Variants in GATAD2A observed in about 807,000 individuals in gnomAD.
GATAD2A encodes the protein transcriptional repressor p66-alpha.
In GATAD2A, 12 loss-of-function variants were observed where a neutral mutation model predicts 68.5. The ratio of observed to expected loss-of-function variants is 0.18; its 90% CI spans 0.11 to 0.28. GATAD2A has a LOEUF of 0.28. Ranked by LOEUF, GATAD2A falls within the 10% of genes least tolerant of loss-of-function variation. GATAD2A has a pLI of 1.00. For missense variants in GATAD2A, 755 were observed against 868.5 expected (o/e 0.87, Z 1.64); for synonymous variants, 410 against 375.3 (o/e 1.09, Z -1.07).
intron 2 of GATAD2A, among the ~76,000 whole-genome samples, chr19:19,478,993 C>T (rs779327678): frequency 6.6e-6 from 1 of 152,122 alleles, no homozygotes; most frequent in Non-Finnish European, 1.5e-5. Flanking sequence ...CATCCTCTTG[C>T]GTTCTTTGTG....
At chr19:19,455,021 G>A (rs952592116) in intron 1 of GATAD2A, among the ~76,000 whole-genome samples, 2 of 152,156 alleles carry the variant, frequency 1.3e-5, no homozygotes, top group Admixed American at 6.5e-5. Context: ...CCATATCCTT[G>A]TGTTTTGTGT....
chr19:19,444,715 A>G (rs2055501907), intron 1 of GATAD2A, among the ~76,000 whole-genome samples: 1 of 152,034 alleles, frequency 6.6e-6, no homozygotes, highest in South Asian at 2.1e-4. Flanking sequence ...TACAAAAAGT[A>G]CAAAAATTAG....
At chr19:19,387,990 T>C (rs2048563643) in intron 1 of GATAD2A, among the ~76,000 whole-genome samples, 1 of 152,088 alleles carries the variant, frequency 6.6e-6, no homozygotes, top group Non-Finnish European at 1.5e-5. Context: ...TCTAGAGGCT[T>C]TCCTCTTGAT....
chr19:19,501,889 G>T, intron 9 of GATAD2A, 80 bp from the exon 10 acceptor site: 1 of 1,098,360 alleles, frequency 9.1e-7, no homozygotes, highest in Non-Finnish European at 1.4e-6. Flanking sequence ...GGACGGGCCT[G>T]TCCTGTGGGG....
intron 1 of GATAD2A, among the ~76,000 whole-genome samples, chr19:19,464,219 C>T (rs1054513753): frequency 6.6e-6 from 1 of 152,240 alleles, no homozygotes; most frequent in Non-Finnish European, 1.5e-5. Context: ...AATTGGGGTT[C>T]TCTGTGGGGC....
rs371886730 is a variant in GATAD2A, at chr19:19,442,788, A to AC, written c.-6-22549dup. Among the ~76,000 whole-genome samples the AC allele has an allele frequency of 2.9e-4, 44 of 150,254 alleles. No individual in the cohort carries two copies. The East Asian group carries it at 8.4e-3, about 29-fold the overall frequency. On this transcript the variant is annotated intron_variant, in intron 1 of 11. Transcript: ENST00000683918. ...CCCAAGCTGAAAAAAAAAAAAAAAA[A>AC]CCCACAGTTTCTTATTGGTGCTTAA...
chr19:19,409,176 C>T (rs150225457), intron 1 of GATAD2A, among the ~76,000 whole-genome samples: 30 of 152,210 alleles, frequency 2.0e-4, no homozygotes, highest in East Asian at 9.7e-4. Context: ...ACCTCAAAGC[C>T]TGGGCAGCTC....
At chr19:19,434,365 A>G (rs2054085823) in intron 1 of GATAD2A, among the ~76,000 whole-genome samples, 1 of 152,136 alleles carries the variant, frequency 6.6e-6, no homozygotes, top group Non-Finnish European at 1.5e-5. Flanking sequence ...GGGGCTAAAA[A>G]GAGCGGCAGA....
chr19:19,424,603 C>T (rs555059666), intron 1 of GATAD2A, among the ~76,000 whole-genome samples: 1 of 150,910 alleles, frequency 6.6e-6, no homozygotes, highest in Admixed American at 6.6e-5. Context: ...GAACTCCTGG[C>T]CTCAAGTGAT....
At chr19:19,390,778 G>T (rs2048790439) in intron 1 of GATAD2A, among the ~76,000 whole-genome samples, 1 of 152,184 alleles carries the variant, frequency 6.6e-6, no homozygotes, top group Non-Finnish European at 1.5e-5. Flanking sequence ...GAGTCCAGCA[G>T]TTACCTGGTG....
intron 1 of GATAD2A, among the ~76,000 whole-genome samples, chr19:19,413,669 C>T (rs896292117): frequency 1.3e-5 from 2 of 152,116 alleles, no homozygotes; most frequent in Non-Finnish European, 2.9e-5. Context: ...GCTTGAACCT[C>T]CGCCTCCTGG....
At chr19:19,417,270 T>C (rs1197966369) in intron 1 of GATAD2A, among the ~76,000 whole-genome samples, 3 of 152,168 alleles carry the variant, frequency 2.0e-5, no homozygotes. Flanking sequence ...GACGTCCTTG[T>C]GGGTAAGTGG....
At chr19:19,450,630 G>A (rs981907350) in intron 1 of GATAD2A, among the ~76,000 whole-genome samples, 4 of 150,874 alleles carry the variant, frequency 2.7e-5, no homozygotes, top group East Asian at 3.9e-4. Flanking sequence ...CAGGATCCCC[G>A]TACCACAAGG....
chr19:19,498,471 C>T lies in GATAD2A; in HGVS notation c.953C>T (p.Thr318Ile), dbSNP rs1187109379. 3 of 1,609,292 alleles carry T rather than the reference C, an allele frequency of 1.9e-6. No homozygotes were observed. The highest frequency in any genetic ancestry group is 1.7e-5 in the Admixed American group (1 of 59,942). Residue 318 changes from threonine to isoleucine, a missense_variant, in exon 8 of 12, where the codon ACA becomes ATA. Coordinates refer to ENST00000683918, the MANE Select transcript of GATAD2A (RefSeq NM_001384528.1). ...QPTPASLKGTTATSAQANSTP... is the reference protein window; with the variant it reads ...QPTPASLKGTIATSAQANSTP... ...ACCCCAGCATCACTGAAGGGGACAA[C>T]AGCCACCTCCGCTCAGGCCAACTCC... is the stretch of plus-strand genomic sequence containing the variant.
At chr19:19,500,971 A>G (rs2060487255) in intron 8 of GATAD2A, 147 bp from the exon 9 acceptor site, 1 of 717,628 alleles carries the variant, frequency 1.4e-6, no homozygotes, top group Non-Finnish European at 2.3e-6. Context: ...GGCCGGCCCC[A>G]TGTCCACATG....
rs57321153 is a variant in GATAD2A, at chr19:19,430,987, G to C, written c.-7+24968G>C. On this transcript the variant is annotated intron_variant, in intron 1 of 11. Coordinates refer to ENST00000683918, the MANE Select transcript of GATAD2A (RefSeq NM_001384528.1). Reference sequence around the variant, plus strand: ...GGTTGTATGGTAGGGGTGTGTGTGTGTGTGTGTGTGTGTGTGTGTGTGTGT... The same window carrying C: ...GGTTGTATGGTAGGGGTGTGTGTGTCTGTGTGTGTGTGTGTGTGTGTGTGT... Among the ~76,000 whole-genome samples, 192 of 139,508 alleles carry C rather than the reference G, an allele frequency of 1.4e-3. 1 individual carries two copies. The highest frequency in any genetic ancestry group is 4.5e-3 in the African/African-American group (179 of 40,122). The allele number at this position is 139,508 out of a possible 152,430, so 91.5% of individuals were successfully genotyped here.
At chr19:19,458,110 T>C (rs1383420587) in intron 1 of GATAD2A, among the ~76,000 whole-genome samples, 1 of 152,204 alleles carries the variant, frequency 6.6e-6, no homozygotes, top group African/African-American at 2.4e-5. Context: ...ATCTCTGGTG[T>C]GTCTTTACTT....
rs1377233399 is a variant in GATAD2A at position 19,502,524 on chromosome 19, C to T, written c.1772C>T (p.Thr591Ile). 1.2e-6 allele frequency: 2 copies of T among 1,607,852 alleles called. No homozygotes were observed. The highest frequency in any genetic ancestry group is 8.5e-7 in the Non-Finnish European group (1 of 1,176,914). ...AACTGGAAGAAGACGCCCCTCAGCA[C>T]AGGTGGGTGACCTCCACAGGGCTCC... ...TSNWKKTPLSTGGTLAFVSPS... is the reference protein window; with the variant it reads ...TSNWKKTPLSIGGTLAFVSPS... The change falls in exon 11 of 12, where the codon ACA becomes ATA. Residue 591 changes from threonine to isoleucine, a missense_variant and splice_region_variant. Physicochemically the swap from Thr to Ile is moderately conservative, Grantham distance 89. Coordinates refer to ENST00000683918, the MANE Select transcript of GATAD2A (RefSeq NM_001384528.1).
At chr19:19,428,752 G>A (rs889185452) in intron 1 of GATAD2A, among the ~76,000 whole-genome samples, 3 of 152,256 alleles carry the variant, frequency 2.0e-5, no homozygotes, top group African/African-American at 4.8e-5. Context: ...GAAAGGATAC[G>A]GGGAGTGCAG....
Sources: gnomAD v4.1 joint callset for allele counts (sites outside exome capture counted in the v4.1 genomes callset) on GRCh38, gnomAD v4.1.1 for gene constraint, MANE v1.5 for transcripts, NCBI Gene and HGNC (gene_info 2026-07-23, HGNC 2026-07-21) for gene names.